Variants in TBL1XR1 observed in about 807,000 individuals in gnomAD.
TBL1XR1 encodes the protein F-box-like/WD repeat-containing protein TBL1XR1.
Under a neutral mutation model 66.9 loss-of-function variants are expected in TBL1XR1, and 5 were observed. The ratio of observed to expected loss-of-function variants is 0.07; its 90% CI spans 0.04 to 0.16. The LOEUF is 0.16. Among genes scored for constraint, TBL1XR1 ranks in the 10% least tolerant of loss-of-function variants. TBL1XR1 has a pLI of 1.00. For missense variants in TBL1XR1, 238 were observed against 623.2 expected, an observed-to-expected ratio of 0.38 and a Z score of 6.58; for synonymous variants, 210 against 206.0, an observed-to-expected ratio of 1.02 and a Z score of -0.17.
chr3:177,072,871 C>G lies in TBL1XR1; in HGVS notation c.-45-7849G>C, dbSNP rs965378921. Among the ~76,000 whole-genome samples, 8 of 152,174 alleles carry G rather than the reference C, an allele frequency of 5.3e-5. 1 individual carries two copies. The highest frequency in any genetic ancestry group is 3.2e-3 in the Middle Eastern group (1 of 316). ...TTGAGGTCAGGAGTTCGAGACCAGCCTGGCCAACATGGCGAAACCCTGTCT... is the reference window on the plus strand; with the variant it reads ...TTGAGGTCAGGAGTTCGAGACCAGCGTGGCCAACATGGCGAAACCCTGTCT... On this transcript the variant is annotated intron_variant, in intron 2 of 15. Transcript: ENST00000457928.
Position 177,140,897 on chromosome 3 carries a change from C to T in TBL1XR1, c.-121-42356G>A, listed in dbSNP as rs139434440. 8.2e-4 allele frequency among the ~76,000 whole-genome samples: 125 copies of T among 152,102 alleles called. 2 individuals are homozygous for T. In the East Asian group the frequency reaches 0.019, roughly 23 times the overall value. The stretch of plus-strand genomic sequence containing the variant: ...CTTAAAACATTATGAGATTTTTTTG[C>T]GATTTTGTTTTCTAGCTCATCACCT... On this transcript the variant is annotated intron_variant, in intron 1 of 15. Coordinates refer to ENST00000457928, the MANE Select transcript of TBL1XR1 (RefSeq NM_024665.7).
At chr3:177,036,016 TTA>T (rs978028231) in intron 12 of TBL1XR1, among the ~76,000 whole-genome samples, 1 of 152,160 alleles carries the variant, frequency 6.6e-6, no homozygotes, top group Non-Finnish European at 1.5e-5. Context: ...AGTCTTAATA[TTA>T]TATGAGTAAA....
At chr3:177,113,639 T>C (rs1470596100) in intron 1 of TBL1XR1, among the ~76,000 whole-genome samples, 1 of 152,136 alleles carries the variant, frequency 6.6e-6, no homozygotes, top group Non-Finnish European at 1.5e-5. Flanking sequence ...GTGACTAGCC[T>C]GGGCAACATA....
At chr3:177,184,415 AAATAAGACAAAATGT>A (rs1735174216) in intron 1 of TBL1XR1, among the ~76,000 whole-genome samples, 1 of 152,192 alleles carries the variant, frequency 6.6e-6, no homozygotes, top group African/African-American at 2.4e-5. Flanking sequence ...AATACCTTTG[AAATAAGACAAAATGT>A]AGTACTTCTG....
chr3:177,161,053 C>T (rs1732153625), intron 1 of TBL1XR1: 1 of 151,690 alleles, frequency 6.6e-6, no homozygotes, highest in Admixed American at 6.6e-5. Flanking sequence ...AAATTTATAT[C>T]AAGTACTAAA....
intron 1 of TBL1XR1, among the ~76,000 whole-genome samples, chr3:177,180,629 A>AT (rs1260722632): frequency 6.6e-6 from 1 of 152,162 alleles, no homozygotes; most frequent in Non-Finnish European, 1.5e-5. Context: ...TCAAAAACAA[A>AT]TGCGTCATCC....
At chr3:177,033,351 T>C (rs1033210924) in intron 13 of TBL1XR1, among the ~76,000 whole-genome samples, 1 of 152,208 alleles carries the variant, frequency 6.6e-6, no homozygotes, top group Non-Finnish European at 1.5e-5. Context: ...GCAAGTGTTC[T>C]AGAAATTAAA....
chr3:177,043,838 C>T (rs940937183), intron 10 of TBL1XR1, among the ~76,000 whole-genome samples: 1 of 152,006 alleles, frequency 6.6e-6, no homozygotes, highest in African/African-American at 2.4e-5. Flanking sequence ...GGGTTCTTAA[C>T]TGTAATTATT....
intron 2 of TBL1XR1, among the ~76,000 whole-genome samples, chr3:177,090,120 G>A (rs887476924): frequency 1.3e-5 from 2 of 152,172 alleles, no homozygotes; most frequent in African/African-American, 2.4e-5. Flanking sequence ...GTGTAATGGA[G>A]TAGAATGCAG....
intron 2 of TBL1XR1, among the ~76,000 whole-genome samples, chr3:177,070,566 TG>T (rs1322375663): frequency 6.6e-6 from 1 of 152,140 alleles, no homozygotes; most frequent in African/African-American, 2.4e-5. Flanking sequence ...AAATAAAAAT[TG>T]GCCAGGTGCG....
intron 2 of TBL1XR1, among the ~76,000 whole-genome samples, chr3:177,069,751 A>G (rs1255207155): frequency 3.8e-5 from 5 of 131,792 alleles, no homozygotes; most frequent in Non-Finnish European, 4.9e-5. Context: ...GAAAAGAAAG[A>G]AAGGAAAGGA....
chr3:177,064,811 AACAT>A, intron 3 of TBL1XR1, 105 bp downstream of exon 3: 1 of 750,202 alleles, frequency 1.3e-6, no homozygotes, highest in Non-Finnish European at 2.1e-6. Flanking sequence ...ACATTAAGAA[AACAT>A]ACAAAGTTCA....
At chr3:177,189,673 G>A (rs1362770162) in intron 1 of TBL1XR1, among the ~76,000 whole-genome samples, 1 of 63,078 alleles carries the variant, frequency 1.6e-5, no homozygotes, top group Non-Finnish European at 3.3e-5. Context: ...AAAGAAGGAT[G>A]TAACACCAAA....
intron 1 of TBL1XR1, among the ~76,000 whole-genome samples, chr3:177,168,752 GTATTAAAATAAAAATTCAATCATT>G (rs1387131259): frequency 6.6e-6 from 1 of 152,036 alleles, no homozygotes; most frequent in African/African-American, 2.4e-5. Flanking sequence ...CAAAATATTT[GTATTAAAATAAAAATTCAATCATT>G]TCTGAATTAC....
intron 2 of TBL1XR1, chr3:177,086,829 C>T (rs1025708117): frequency 6.6e-6 from 1 of 151,452 alleles, no homozygotes; most frequent in Non-Finnish European, 1.5e-5. Flanking sequence ...TACTAACAAC[C>T]TAGTTATGAC....
intron 1 of TBL1XR1, among the ~76,000 whole-genome samples, chr3:177,142,760 TAC>T (rs1270229375): frequency 3.3e-5 from 5 of 152,276 alleles, no homozygotes; most frequent in African/African-American, 7.2e-5. Flanking sequence ...TCAAGGGAAA[TAC>T]AGTCAATCCT....
chr3:177,046,504 C>T (rs962401557), intron 9 of TBL1XR1, among the ~76,000 whole-genome samples: 2 of 152,062 alleles, frequency 1.3e-5, no homozygotes, highest in Non-Finnish European at 2.9e-5. Context: ...ATGTAAGACT[C>T]GTATAGATGT....
At chr3:177,110,948 C>T (rs1300144622) in intron 1 of TBL1XR1, 1 of 152,178 alleles carries the variant, frequency 6.6e-6, no homozygotes, top group Non-Finnish European at 1.5e-5. Flanking sequence ...GATCTCACGT[C>T]AAGCAAATCA....
chr3:177,151,349 A>G (rs1730863131), intron 1 of TBL1XR1, among the ~76,000 whole-genome samples: 1 of 152,232 alleles, frequency 6.6e-6, no homozygotes, highest in Non-Finnish European at 1.5e-5. Flanking sequence ...GGGGGTCCCC[A>G]ACCCCCGGCT....
Sources: gnomAD v4.1 joint callset for allele counts (sites outside exome capture counted in the v4.1 genomes callset) on GRCh38, gnomAD v4.1.1 for gene constraint, MANE v1.5 for transcripts, NCBI Gene and HGNC (gene_info 2026-07-23, HGNC 2026-07-21) for gene names.